Variants in PEAK1 observed in about 807,000 individuals in gnomAD.
PEAK1 encodes the protein pseudopodium enriched atypical kinase 1.
PEAK1 carries 54 observed loss-of-function variants against 124.7 expected under a neutral mutation model. That is an observed-to-expected ratio of 0.43 (90% CI 0.35 to 0.54). The LOEUF (loss-of-function observed/expected upper bound fraction) is 0.54, where lower values mean the gene tolerates loss of function less well. PEAK1 is among the 20% of genes least tolerant of loss of function. PEAK1 has a pLI of 0.01. For missense variants in PEAK1, 2,046 were observed against 2,134.5 expected, an observed-to-expected ratio of 0.96 and a Z score of 0.82; for synonymous variants, 719 against 760.0, an observed-to-expected ratio of 0.95 and a Z score of 0.89.
intron 1 of PEAK1, among the ~76,000 whole-genome samples, chr15:77,373,928 T>C (rs1222293878): frequency 1.3e-5 from 2 of 152,160 alleles, no homozygotes; most frequent in South Asian, 2.1e-4. Context: ...ACTAAAGTAC[T>C]AGAAAAGAAA....
intron 2 of PEAK1, chr15:77,332,975 C>T (rs948963163): frequency 6.3e-6 from 5 of 796,414 alleles, no homozygotes; most frequent in Non-Finnish European, 7.6e-6. Context: ...TTCATGACTG[C>T]TCCTTTTCCT....
At chr15:77,225,282 T>C (rs2059579435) in intron 6 of PEAK1, among the ~76,000 whole-genome samples, 1 of 151,942 alleles carries the variant, frequency 6.6e-6, no homozygotes, top group Non-Finnish European at 1.5e-5. Flanking sequence ...TGTGTAACTG[T>C]TATGTTGCAA....
Position 77,332,426 on chromosome 15 carries a change from C to A in PEAK1, c.-603+32737G>T, listed in dbSNP as rs545078192. 274 of 234,736 alleles carry A rather than the reference C, an allele frequency of 1.2e-3. 1 individual carries two copies. Among genetic ancestry groups the A allele is most frequent in the Non-Finnish European group, 1.7e-3 (251 of 143,978 alleles). 14.5% of individuals were successfully genotyped at this position (234,736 alleles called of 1,614,324 possible). A position where few individuals can be genotyped will look rare whatever the true frequency, so the allele number is the denominator to read the frequency against. On this transcript the variant is annotated intron_variant, in intron 2 of 9. Transcript: ENST00000682557. Reference sequence around the variant, plus strand: ...CATCCTGGCTAACACGGTGAAACCTCATCTGTACTAAAAATACAAAAAAAT... The same window carrying A: ...CATCCTGGCTAACACGGTGAAACCTAATCTGTACTAAAAATACAAAAAAAT...
intron 6 of PEAK1, among the ~76,000 whole-genome samples, chr15:77,217,602 TC>T (rs1397635214): frequency 6.6e-6 from 1 of 152,164 alleles, no homozygotes; most frequent in Non-Finnish European, 1.5e-5. Context: ...TTTGGTTCCT[TC>T]CGACTTCTTT....
chr15:77,391,884 C>T (rs757381780), intron 1 of PEAK1, among the ~76,000 whole-genome samples: 2 of 152,218 alleles, frequency 1.3e-5, no homozygotes, highest in Middle Eastern at 3.4e-3. Flanking sequence ...TACTAATATC[C>T]GATTATTCAC....
chr15:77,159,797 G>T (rs966761909), intron 7 of PEAK1, among the ~76,000 whole-genome samples: 3 of 152,178 alleles, frequency 2.0e-5, no homozygotes, highest in Non-Finnish European at 2.9e-5. Context: ...GGATTTAAGG[G>T]AGTAGATCTA....
intron 9 of PEAK1, among the ~76,000 whole-genome samples, chr15:77,128,950 G>A (rs566571315): frequency 6.6e-6 from 1 of 152,334 alleles, no homozygotes; most frequent in African/African-American, 2.4e-5. Flanking sequence ...GTTAGAGGTA[G>A]AGTGCTATGG....
Position 77,420,097 on chromosome 15 carries a change from CACTG to C in PEAK1, c.-761_-758del, listed in dbSNP as rs973430034. ...ACGGCCGCCGCCGCCGAGCAACTGA[CACTG>C]ACTAACAACAACTAACTAACTACTC... On this transcript the variant is annotated 5_prime_UTR_variant, in exon 1 of 10. Transcript: ENST00000682557. 1.1e-4 allele frequency: 17 copies of C among 151,066 alleles called. No individual in the cohort carries two copies. The highest frequency in any genetic ancestry group is 3.9e-4 in the East Asian group (2 of 5,170). 9.4% of individuals were successfully genotyped at this position (151,066 alleles called of 1,614,324 possible).
At chr15:77,326,388 A>G (rs1428621072) in intron 2 of PEAK1, among the ~76,000 whole-genome samples, 1 of 152,208 alleles carries the variant, frequency 6.6e-6, no homozygotes, top group Non-Finnish European at 1.5e-5. Context: ...TAGGAGAAAT[A>G]AAAGAAAGGA....
chr15:77,317,438 T>C (rs1321127377), intron 2 of PEAK1, among the ~76,000 whole-genome samples: 1 of 152,204 alleles, frequency 6.6e-6, no homozygotes, highest in East Asian at 1.9e-4. Flanking sequence ...TCCTTTTAAT[T>C]TGTACCTTGC....
chr15:77,137,382 C>CA (rs2053424038), intron 8 of PEAK1, among the ~76,000 whole-genome samples: 1 of 152,204 alleles, frequency 6.6e-6, no homozygotes, highest in Non-Finnish European at 1.5e-5. Flanking sequence ...CACAGACACT[C>CA]AATGCCAGCC....
chr15:77,371,365 T>C, intron 1 of PEAK1: 1 of 923,224 alleles, frequency 1.1e-6, no homozygotes, highest in Non-Finnish European at 1.3e-6. Context: ...AGAGAGAAGA[T>C]AAGGAACATT....
chr15:77,105,918 CTCAGGAATGAA>C (rs1357071325), downstream of PEAK1: 33 of 152,290 alleles, frequency 2.2e-4, no homozygotes, highest in African/African-American at 7.0e-4. Context: ...TAATGGAATT[CTCAGGAATGAA>C]TCCCACGCTG....
intron 2 of PEAK1, among the ~76,000 whole-genome samples, chr15:77,300,121 T>C: frequency 6.6e-6 from 1 of 152,182 alleles, no homozygotes; most frequent in East Asian, 1.9e-4. Flanking sequence ...CAAGAAACCC[T>C]AGCACCTACA....
chr15:77,360,136 C>T (rs1462298556), intron 2 of PEAK1, among the ~76,000 whole-genome samples: 2 of 152,126 alleles, frequency 1.3e-5, no homozygotes, highest in Non-Finnish European at 2.9e-5. Context: ...AATTTGTTTT[C>T]TTTAAGGGTG....
At chr15:77,325,743 A>T (rs548441339) in intron 2 of PEAK1, among the ~76,000 whole-genome samples, 34 of 152,284 alleles carry the variant, frequency 2.2e-4, no homozygotes, top group Admixed American at 6.5e-4. Flanking sequence ...ATATTTAATG[A>T]TGATTTTCTA....
At chr15:77,262,436 C>A (rs2061489604) in intron 5 of PEAK1, among the ~76,000 whole-genome samples, 1 of 149,336 alleles carries the variant, frequency 6.7e-6, no homozygotes, top group Non-Finnish European at 1.5e-5. Flanking sequence ...AAATGGAAAA[C>A]AAAAAAGGCA....
rs759815466 is a variant in PEAK1, at chr15:77,180,966, C to T, written c.961G>A (p.Glu321Lys). 18 of 1,614,064 alleles carry T rather than the reference C, an allele frequency of 1.1e-5. No homozygotes were observed. The highest frequency in any genetic ancestry group is 1.6e-4 in the Middle Eastern group (1 of 6,084). The change falls in exon 7 of 10, where the codon GAG becomes AAG. Residue 321 changes from glutamate to lysine, a missense_variant. By Grantham distance (56) the Glu-to-Lys change is moderately conservative. Transcript: ENST00000682557. Reference sequence around the variant, plus strand: ...CCATAAGAGACCACAGAATTTTCCTCATAACCATTCAGGATTTCATCATAG... The same window carrying T: ...CCATAAGAGACCACAGAATTTTCCTTATAACCATTCAGGATTTCATCATAG... ...DSYDEILNGYEENSVVSYGQG... is the reference protein window; with the variant it reads ...DSYDEILNGYKENSVVSYGQG...
intron 9 of PEAK1, among the ~76,000 whole-genome samples, chr15:77,121,057 A>C (rs2051871739): frequency 6.6e-6 from 1 of 152,080 alleles, no homozygotes; most frequent in Non-Finnish European, 1.5e-5. Flanking sequence ...TTTTATCTTT[A>C]AAAAATTTTT....
Sources: allele counts gnomAD v4.1 joint callset (sites outside exome capture counted in the v4.1 genomes callset), GRCh38; gene constraint gnomAD v4.1.1; transcripts MANE v1.5; gene names NCBI Gene and HGNC (gene_info 2026-07-23, HGNC 2026-07-21).